The following CRB1 variants were observed in gnomAD, a reference collection of about 807,000 sequenced individuals.
CRB1 encodes the protein protein crumbs homolog 1.
A neutral mutation model predicts 120.0 loss-of-function variants in CRB1; 83 were observed. That is an observed-to-expected ratio of 0.69 (90% CI 0.58 to 0.83). The LOEUF (loss-of-function observed/expected upper bound fraction) is 0.83. Ranked by LOEUF, CRB1 falls within the 40% of genes least tolerant of loss-of-function variation. The probability of loss-of-function intolerance (pLI) is 0.00; values close to 1 mark genes in which losing one functional copy is unlikely to be tolerated. For synonymous variants in CRB1, 625 were observed against 612.5 expected (o/e 1.02, Z -0.30); for missense variants, 1,699 against 1,687.6 (o/e 1.01, Z -0.12).
intron 1 of CRB1, among the ~76,000 whole-genome samples, chr1:197,297,284 T>C (rs573403342): frequency 3.9e-5 from 6 of 151,998 alleles, no homozygotes; most frequent in African/African-American, 1.2e-4. Flanking sequence ...AATTGTTCCT[T>C]TCTAGACTTG....
At chr1:197,364,621 T>C (rs1660963352) in intron 5 of CRB1, among the ~76,000 whole-genome samples, 1 of 152,112 alleles carries the variant, frequency 6.6e-6, no homozygotes, top group South Asian at 2.1e-4. Flanking sequence ...GCAAATTCTT[T>C]TGATCTGTAC....
At chr1:197,386,946 TACG>T (rs1662246781) in intron 5 of CRB1, among the ~76,000 whole-genome samples, 1 of 152,186 alleles carries the variant, frequency 6.6e-6, no homozygotes, top group African/African-American at 2.4e-5. Flanking sequence ...GAGTATTGGC[TACG>T]ACAATTTCAT....
chr1:197,457,695 AG>A (rs1170753320), intron 11 of CRB1, among the ~76,000 whole-genome samples: 1 of 152,202 alleles, frequency 6.6e-6, no homozygotes, highest in African/African-American at 2.4e-5. Context: ...GGGTAGAAAA[AG>A]CTTCGTGCAG....
At chr1:197,431,065 C>G (rs1248970694) in intron 8 of CRB1, among the ~76,000 whole-genome samples, 3 of 146,082 alleles carry the variant, frequency 2.1e-5, no homozygotes, top group Non-Finnish European at 3.0e-5. Flanking sequence ...GACCCTGTCT[C>G]AAAAAAAAAT....
chr1:197,372,276 A>C (rs1311076195), intron 5 of CRB1, among the ~76,000 whole-genome samples: 1 of 152,170 alleles, frequency 6.6e-6, no homozygotes, highest in African/African-American at 2.4e-5. Context: ...ATAGCCAGAA[A>C]GTAGTCTAAA....
Position 197,356,969 on chromosome 1 carries a change from A to T in CRB1, c.1127A>T (p.His376Leu), listed in dbSNP as rs758020399. 4 of 1,614,222 alleles carry T rather than the reference A, an allele frequency of 2.5e-6. No homozygotes were observed. In the East Asian group the frequency reaches 8.9e-5, roughly 36 times the overall value. Residue 376 changes from histidine (H) to leucine (L), a missense_variant, in exon 5 of 12, where the codon CAT (histidine) becomes CTT (leucine). His to Leu is a moderately conservative substitution (Grantham distance 99). Coordinates refer to ENST00000367400, the MANE Select transcript of CRB1 (RefSeq NM_201253.3). The part of the protein sequence containing the change: ...ITGLPSSFSY[H>L]EASGYVCICQ... ...GGACTGCCTTCTTCTTTCAGCTACC[A>T]TGAAGCCTCAGGTTATGTCTGTATC...
the CRB1 span, among the ~76,000 whole-genome samples, chr1:197,244,409 T>C: frequency 3.3e-5 from 5 of 152,066 alleles, no homozygotes; most frequent in African/African-American, 9.6e-5. Flanking sequence ...ATCTGTTTCA[T>C]CCTTAAAATA....
At chr1:197,453,984 T>A (rs1216471612) in intron 11 of CRB1, among the ~76,000 whole-genome samples, 1 of 81,020 alleles carries the variant, frequency 1.2e-5, no homozygotes, top group African/African-American at 4.4e-5. Flanking sequence ...TATATATTAT[T>A]GATATTATTA....
the CRB1 span, among the ~76,000 whole-genome samples, chr1:197,257,420 G>C: frequency 6.6e-6 from 1 of 152,114 alleles, no homozygotes; most frequent in African/African-American, 2.4e-5. Context: ...TCTTAGCCAG[G>C]TCAAGTTGAC....
At chr1:197,377,560 T>C (rs1447454119) in intron 5 of CRB1, among the ~76,000 whole-genome samples, 2 of 152,232 alleles carry the variant, frequency 1.3e-5, no homozygotes, top group East Asian at 3.8e-4. Flanking sequence ...GCTCTAATTA[T>C]AGTGTATGCC....
intron 11 of CRB1, among the ~76,000 whole-genome samples, chr1:197,463,545 A>C (rs1666623984): frequency 6.6e-6 from 1 of 152,210 alleles, no homozygotes; most frequent in Admixed American, 6.5e-5. Flanking sequence ...TTGGGGTTAC[A>C]TTTATATAGT....
At position 197,369,423 on chromosome 1, in the gene CRB1, C is replaced by T. The variant is rs1468175624; in HGVS notation, c.1171+12410C>T. Among the ~76,000 whole-genome samples the T allele has an allele frequency of 3.3e-5, 5 of 151,928 alleles. No individual in the cohort carries two copies. In the South Asian group the frequency reaches 8.3e-4, roughly 25 times the overall value. The stretch of plus-strand genomic sequence containing the variant: ...ACTTCAGTCCCAAGCAACCCAGTTG[C>T]GAGGGCAAGAAAAAGTATCCAAAAC... On this transcript the variant is annotated intron_variant, in intron 5 of 11. Transcript: ENST00000367400.
At chr1:197,328,175 C>T (rs931214890) in intron 1 of CRB1, among the ~76,000 whole-genome samples, 1 of 152,164 alleles carries the variant, frequency 6.6e-6, no homozygotes, top group African/African-American at 2.4e-5. Flanking sequence ...CCTATAACTT[C>T]TTTCTGTGTC....
chr1:197,456,505 C>T (rs1333824186), intron 11 of CRB1, among the ~76,000 whole-genome samples: 1 of 152,042 alleles, frequency 6.6e-6, no homozygotes, highest in African/African-American at 2.4e-5. Context: ...TTCAAATTTA[C>T]AGGATGAAAA....
chr1:197,366,295 CATGCT>C (rs1234849996), intron 5 of CRB1, among the ~76,000 whole-genome samples: 32 of 152,142 alleles, frequency 2.1e-4, no homozygotes, highest in African/African-American at 7.2e-4. Context: ...TACTTTTTTA[CATGCT>C]ATGTGTATTT....
At chr1:197,280,029 G>T (rs972526907) in intron 1 of CRB1, among the ~76,000 whole-genome samples, 1 of 151,920 alleles carries the variant, frequency 6.6e-6, no homozygotes. Flanking sequence ...AAGGCTTGGA[G>T]TGCACAAGTA....
intron 1 of CRB1, among the ~76,000 whole-genome samples, chr1:197,293,490 A>G (rs1389365759): frequency 1.3e-5 from 2 of 152,164 alleles, no homozygotes; most frequent in East Asian, 1.9e-4. Context: ...ATACTGCCTA[A>G]GGTAATTTAT....
chr1:197,398,121 A>T (rs914932331), intron 5 of CRB1, among the ~76,000 whole-genome samples: 22 of 152,276 alleles, frequency 1.4e-4, no homozygotes, highest in African/African-American at 4.8e-4. Flanking sequence ...TGCAAAATTC[A>T]TCCTCAGTTC....
chr1:197,421,783 A>G lies in CRB1; in HGVS notation c.1955A>G (p.His652Arg). Residue 652 changes from histidine to arginine, a missense_variant, in exon 6 of 12, where the codon CAC becomes CGC. Physicochemically the swap from His to Arg is conservative, Grantham distance 29 (BLOSUM62 0). Transcript: ENST00000367400. ...CAAGACATTAAAATTGATTGGAATC[A>G]CATTACCCTGGAGAACATCTCGTCT... The part of the protein sequence containing the change: ...CLQDIKIDWN[H>R]ITLENISSGS... The G allele has an allele frequency of 1.9e-6, 3 of 1,614,240 alleles. No individual in the cohort carries two copies. The highest frequency in any genetic ancestry group is 2.5e-6 in the Non-Finnish European group (3 of 1,180,034).
Sources: gnomAD v4.1 joint callset for allele counts (sites outside exome capture counted in the v4.1 genomes callset) on GRCh38, gnomAD v4.1.1 for gene constraint, MANE v1.5 for transcripts, NCBI Gene and HGNC (gene_info 2026-07-23, HGNC 2026-07-21) for gene names.